The following POF1B variants were observed in gnomAD, a reference collection of about 807,000 sequenced individuals.
POF1B encodes the protein POF1B actin binding protein.
POF1B carries 53 observed loss-of-function variants against 55.3 expected under a neutral mutation model. That is an observed-to-expected ratio of 0.96 (90% CI 0.77 to 1.20). The LOEUF (loss-of-function observed/expected upper bound fraction) is 1.20. POF1B is among the 50% of genes most tolerant of loss of function. The probability of loss-of-function intolerance (pLI) is 0.00; values close to 1 mark genes in which losing one functional copy is unlikely to be tolerated. For synonymous variants in POF1B, 188 were observed against 148.3 expected (o/e 1.27, Z -1.95); for missense variants, 478 against 420.5 (o/e 1.14, Z -1.20).
rs191662971 is a variant in POF1B at position 85,316,804 on chromosome X, A to G, written c.855-1070T>C. On this transcript the variant is annotated intron_variant, in intron 7 of 16. Coordinates refer to ENST00000262753, the MANE Select transcript of POF1B (RefSeq NM_024921.4). ...ATTGCATTTTGTGGTGGTTTGGTGT[A>G]CAAATGATTTCATCAATGAGGTAAT... 3.7e-4 allele frequency among the ~76,000 whole-genome samples: 41 copies of G among 110,537 alleles called. No individual in the cohort carries two copies. The East Asian group carries it at 0.01, about 27-fold the overall frequency.
At chrX:85,340,919 C>G (rs773355765) in intron 6 of POF1B, among the ~76,000 whole-genome samples, 4 of 111,010 alleles carry the variant, frequency 3.6e-5, no homozygotes, top group Admixed American at 9.6e-5. Context: ...ATTATTAACA[C>G]CAGCAAAAAG....
intron 7 of POF1B, among the ~76,000 whole-genome samples, chrX:85,328,123 G>A (rs903670242): frequency 9.1e-6 from 1 of 110,364 alleles, no homozygotes; most frequent in Non-Finnish European, 1.9e-5. Context: ...GAATTACATT[G>A]GGCAGAAAAA....
intron 6 of POF1B, 70 bp downstream of exon 6, chrX:85,345,790 T>C (rs1413934152): frequency 1.1e-6 from 1 of 939,305 alleles, no homozygotes; most frequent in Non-Finnish European, 1.4e-6. Flanking sequence ...TGGGAGCACC[T>C]GCATAGTGGT....
Position 85,330,920 on chromosome X carries a change from C to T in POF1B, c.854+29G>A, listed in dbSNP as rs766833361. On this transcript the variant is annotated intron_variant, in intron 7 of 16. Transcript: ENST00000262753. ...GTTGTAAAATGTTTGGTAGCTACAA[C>T]ATCAAGGCAAATAATATGTTTACAG... 137 of 1,131,149 alleles carry T rather than the reference C, an allele frequency of 1.2e-4. 1 individual carries two copies. The South Asian group carries it at 3.0e-3, about 24-fold the overall frequency. 93.2% of individuals were successfully genotyped at this position (1,131,149 alleles called of 1,213,427 possible). A position where few individuals can be genotyped will look rare whatever the true frequency, so the allele number is the denominator to read the frequency against.
At chrX:85,343,403 A>T (rs944376432) in intron 6 of POF1B, among the ~76,000 whole-genome samples, 1 of 110,605 alleles carries the variant, frequency 9.0e-6, no homozygotes, top group African/African-American at 3.3e-5. Flanking sequence ...CTGGGGAAAG[A>T]ATATTATAAC....
At chrX:85,362,550 AT>A (rs1933642497) in intron 3 of POF1B, among the ~76,000 whole-genome samples, 1 of 111,891 alleles carries the variant, frequency 8.9e-6, no homozygotes, top group Admixed American at 9.5e-5. Context: ...GCATTTATTG[AT>A]TTGTGAATGC....
intron 5 of POF1B, among the ~76,000 whole-genome samples, chrX:85,350,613 C>T (rs932310726): frequency 9.0e-6 from 1 of 111,535 alleles, no homozygotes; most frequent in East Asian, 2.8e-4. Context: ...ACCACATTGA[C>T]TTCCACAATG....
intron 2 of POF1B, 99 bp downstream of exon 2, chrX:85,379,074 A>T: frequency 1.0e-6 from 1 of 982,918 alleles, no homozygotes; most frequent in African/African-American, 1.9e-5. Context: ...ATCCACCAAA[A>T]GATATCCTGT....
At chrX:85,348,072 A>G (rs780213363) in intron 5 of POF1B, among the ~76,000 whole-genome samples, 1 of 110,940 alleles carries the variant, frequency 9.0e-6, no homozygotes, top group African/African-American at 3.3e-5. Flanking sequence ...TAAAGAAATC[A>G]AAAACTGTTT....
chrX:85,310,723 A>G (rs1932677562), intron 9 of POF1B, among the ~76,000 whole-genome samples: 1 of 111,756 alleles, frequency 8.9e-6, no homozygotes. Flanking sequence ...AAAACCTGGT[A>G]ACATACATAT....
intron 6 of POF1B, among the ~76,000 whole-genome samples, chrX:85,336,310 T>A (rs776498990): frequency 2.7e-5 from 3 of 110,845 alleles, no homozygotes; most frequent in Non-Finnish European, 5.7e-5. Flanking sequence ...TCCTTTCTTT[T>A]ATGTATATAC....
intron 6 of POF1B, among the ~76,000 whole-genome samples, chrX:85,341,605 G>A (rs868261761): frequency 1.8e-5 from 2 of 110,193 alleles, no homozygotes; most frequent in Non-Finnish European, 3.8e-5. Flanking sequence ...GGGGATACAA[G>A]TTTACATAAA....
intron 6 of POF1B, among the ~76,000 whole-genome samples, chrX:85,333,669 C>T (rs1204485392): frequency 2.7e-5 from 3 of 110,851 alleles, no homozygotes; most frequent in Non-Finnish European, 3.8e-5. Context: ...ATCCCTTGTA[C>T]CTTCCTTACT....
In POF1B at chrX:85,367,198, C is replaced by G. The variant is rs1379875405; in HGVS notation, c.357+494G>C. ...AATATGTGTTTATTATTATAGCTAC[C>G]TTTTGGATACACAATGCCTAGATTC... On this transcript the variant is annotated intron_variant, in intron 3 of 16. Coordinates refer to ENST00000262753, the MANE Select transcript of POF1B (RefSeq NM_024921.4). Among the ~76,000 whole-genome samples the G allele has an allele frequency of 2.7e-5, 3 of 111,378 alleles. No individual in the cohort carries two copies. In the Admixed American group the frequency reaches 2.9e-4, roughly 11 times the overall value.
chrX:85,282,368 C>A, intron 15 of POF1B, 51 bp from the exon 16 acceptor site: 1 of 910,152 alleles, frequency 1.1e-6, no homozygotes, highest in Non-Finnish European at 1.5e-6. Flanking sequence ...AAATAACTTT[C>A]ATTCCTTTTT....
At chrX:85,299,413 C>A (rs1270685456) in intron 15 of POF1B, among the ~76,000 whole-genome samples, 2 of 105,962 alleles carry the variant, frequency 1.9e-5, no homozygotes, top group African/African-American at 7.0e-5. Flanking sequence ...CTCAGCCTCC[C>A]GAGTAGCTGG....
At chrX:85,375,708 G>C (rs1346571185) in intron 2 of POF1B, among the ~76,000 whole-genome samples, 1 of 111,433 alleles carries the variant, frequency 9.0e-6, no homozygotes, top group Non-Finnish European at 1.9e-5. Flanking sequence ...TGGAAGAGAA[G>C]AGTTATCCAC....
At chrX:85,356,299 G>C (rs1435605338) in intron 4 of POF1B, among the ~76,000 whole-genome samples, 1 of 104,882 alleles carries the variant, frequency 9.5e-6, no homozygotes, top group Admixed American at 1.0e-4. Context: ...TCACACACTG[G>C]GGCCTGTTGT....
intron 4 of POF1B, among the ~76,000 whole-genome samples, chrX:85,356,709 A>G (rs1270746177): frequency 9.0e-6 from 1 of 111,551 alleles, no homozygotes; most frequent in Non-Finnish European, 1.9e-5. Flanking sequence ...CTGCTAGACA[A>G]TTCTACTATT....
Sources: gnomAD v4.1 joint callset for allele counts (sites outside exome capture counted in the v4.1 genomes callset) on GRCh38, gnomAD v4.1.1 for gene constraint, MANE v1.5 for transcripts, NCBI Gene and HGNC (gene_info 2026-07-23, HGNC 2026-07-21) for gene names.